Variants in COL6A3 observed in about 807,000 individuals in gnomAD.
COL6A3 encodes collagen alpha-3(VI) chain.
In COL6A3, 137 loss-of-function variants were observed where a neutral mutation model predicts 274.1. That is an observed-to-expected ratio of 0.50 (90% CI 0.44 to 0.58). The LOEUF (loss-of-function observed/expected upper bound fraction) is 0.58. Ranked by LOEUF, COL6A3 falls within the 20% of genes least tolerant of loss-of-function variation. The pLI is 0.00. For missense variants in COL6A3, 3,950 were observed against 4,124.9 expected, an observed-to-expected ratio of 0.96 and a Z score of 1.16; for synonymous variants, 1,650 against 1,650.6, an observed-to-expected ratio of 1.00 and a Z score of 0.01.
At chr2:237,373,670 G>T (rs1391095199) in intron 8 of COL6A3, among the ~76,000 whole-genome samples, 1 of 152,094 alleles carries the variant, frequency 6.6e-6, no homozygotes, top group Admixed American at 6.5e-5. Context: ...ATATGAGGGA[G>T]CAAGGCCGCA....
rs2077494337 is a variant in COL6A3, at chr2:237,364,029, T to C, written c.5917+321A>G. On this transcript the variant is annotated intron_variant, in intron 13 of 43. Transcript: ENST00000295550. The surrounding 1 kb of genome is among the most constrained non-coding windows in gnomAD (Gnocchi z 4.6). ...AGAGCAATGTATTTTTATTAGTAACTAATTCCTAGTTTATGTGATGAAGTT... is the reference window on the plus strand; with the variant it reads ...AGAGCAATGTATTTTTATTAGTAACCAATTCCTAGTTTATGTGATGAAGTT... Among the ~76,000 whole-genome samples the C allele has an allele frequency of 6.6e-6, 1 of 152,262 alleles. No individual in the cohort carries two copies. The highest frequency in any genetic ancestry group is 2.1e-4 in the South Asian group (1 of 4,832).
chr2:237,348,722 G>A lies in COL6A3; in HGVS notation c.6880-59C>T, dbSNP rs113165342. ...CCATGCCTGGCACACCATAACCACC[G>A]TCTCTGCCCTGCCGCTGCCCCTGAG... On this transcript the variant is annotated intron_variant, in intron 28 of 43. Coordinates refer to ENST00000295550, the MANE Select transcript of COL6A3 (RefSeq NM_004369.4). 8.9e-4 allele frequency: 1,322 copies of A among 1,483,238 alleles called. 14 individuals are homozygous for A. In the African/African-American group the frequency reaches 0.013, roughly 15 times the overall value. 91.9% of individuals were successfully genotyped at this position (1,483,238 alleles called of 1,614,324 possible).
At chr2:237,387,192 T>G (rs149753082) in intron 4 of COL6A3, among the ~76,000 whole-genome samples, 1 of 152,204 alleles carries the variant, frequency 6.6e-6, no homozygotes, top group African/African-American at 2.4e-5. Flanking sequence ...CACTGACTTT[T>G]AGAGCTCAAT....
chr2:237,340,851 G>A lies in COL6A3; in HGVS notation c.8065C>T (p.Leu2689=), dbSNP rs536700038. 1 of 1,614,134 alleles carries A rather than the reference G, an allele frequency of 6.2e-7. No individual in the cohort carries two copies. Among genetic ancestry groups the A allele is most frequent in the African/African-American group, 1.3e-5 (1 of 75,060 alleles). The change falls in exon 38 of 44, where the codon CTG becomes TTG. Residue 2689 remains leucine, a synonymous_variant. Coordinates refer to ENST00000295550, the MANE Select transcript of COL6A3 (RefSeq NM_004369.4). ...TTCTCCTTGGAGCCATAGTCAGTCAGGGAGAATTCCACCTTCACAGGTGGC... is the reference window on the plus strand; with the variant it reads ...TTCTCCTTGGAGCCATAGTCAGTCAAGGAGAATTCCACCTTCACAGGTGGC... ...SMPPVKVEFS[L]TDYGSKEKLV...
At chr2:237,397,523 G>T (rs756385932) in intron 1 of COL6A3, among the ~76,000 whole-genome samples, 60 of 152,214 alleles carry the variant, frequency 3.9e-4, no homozygotes, top group Non-Finnish European at 7.1e-4. Context: ...AGGCAAGGTG[G>T]GAAGGTGGGA....
intron 9 of COL6A3, among the ~76,000 whole-genome samples, chr2:237,369,660 C>G (rs1251091799): frequency 2.6e-5 from 4 of 152,222 alleles, no homozygotes; most frequent in Non-Finnish European, 5.9e-5. Context: ...AACACCATCC[C>G]AGCATGCTGC....
intron 5 of COL6A3, 89 bp from the exon 6 acceptor site, chr2:237,379,324 C>T: frequency 1.4e-6 from 2 of 1,472,514 alleles, no homozygotes; most frequent in Non-Finnish European, 1.9e-6. Flanking sequence ...CACATGCCAA[C>T]ATTTAGAACA....
At chr2:237,332,103 A>AT (rs1700282583) in intron 42 of COL6A3, among the ~76,000 whole-genome samples, 1 of 48,642 alleles carries the variant, frequency 2.1e-5, no homozygotes, top group Non-Finnish European at 5.2e-5. Context: ...ATATATATAT[A>AT]TATATATATA....
chr2:237,357,735 C>G, intron 22 of COL6A3, 82 bp downstream of exon 22: 1 of 1,416,296 alleles, frequency 7.1e-7, no homozygotes, highest in Non-Finnish European at 1.0e-6. Context: ...TCTTTGGCCT[C>G]TGTGGCTGCT....
At chr2:237,352,367 C>T (rs918175800) in intron 26 of COL6A3, among the ~76,000 whole-genome samples, 155 bp downstream of exon 26, 1 of 152,178 alleles carries the variant, frequency 6.6e-6, no homozygotes, top group African/African-American at 2.4e-5. Context: ...CCAGTCACTG[C>T]AAGGCCTGAG....
At chr2:237,333,029 A>T (rs1345855586) in intron 42 of COL6A3, 1 of 317,144 alleles carries the variant, frequency 3.2e-6, no homozygotes, top group African/African-American at 2.2e-5. Context: ...GTCAGATCCA[A>T]ACCCATGCAT....
intron 39 of COL6A3, among the ~76,000 whole-genome samples, chr2:237,338,061 T>C (rs1700641012): frequency 6.6e-6 from 1 of 152,266 alleles, no homozygotes; most frequent in South Asian, 2.1e-4. Context: ...GTCTCAATTA[T>C]CTACCTTCTC....
In COL6A3 at chr2:237,369,045, A is replaced by T. The variant is rs1244042171; in HGVS notation, c.4418T>A (p.Val1473Glu). ...VRRLNIGPSK[V>E]RVGVVQFSND... ...GCTGAACTGCACGACCCCAACTCTCACTTTACTGGGGCCGATGTTGAGTCT... is the reference window on the plus strand; with the variant it reads ...GCTGAACTGCACGACCCCAACTCTCTCTTTACTGGGGCCGATGTTGAGTCT... Residue 1473 changes from valine (V) to glutamate (E), a missense_variant, in exon 10 of 44, where the codon GTG (valine) becomes GAG (glutamate). Coordinates refer to ENST00000295550, the MANE Select transcript of COL6A3 (RefSeq NM_004369.4). 4.3e-6 allele frequency: 7 copies of T among 1,613,886 alleles called. No homozygotes were observed. Among genetic ancestry groups the T allele is most frequent in the Non-Finnish European group, 5.9e-6 (7 of 1,179,924 alleles).
Position 237,379,104 on chromosome 2 carries a change from G to A in COL6A3, c.2029C>T (p.Arg677Cys), listed in dbSNP as rs137923508. Residue 677 changes from arginine to cysteine, a missense_variant, in exon 6 of 44, where the codon CGT becomes TGT. Physicochemically the swap from Arg to Cys is radical, Grantham distance 180 (BLOSUM62 -3). Around this residue, in one of 5 missense-constraint regions of COL6A3, gnomAD observed 1,934 missense variants for 1,984.3 expected, o/e 0.97. Transcript: ENST00000295550. ...TCACTAAATTGCACTAAACCAACAC[G>A]AATATTGTCATTTCCAATATCAAGG... ...NSLDIGNDNI[R>C]VGLVQFSDTP... The A allele has an allele frequency of 5.5e-5, 88 of 1,614,074 alleles. No homozygotes were observed. The highest frequency in any genetic ancestry group is 3.3e-4 in the Middle Eastern group (2 of 6,080).
chr2:237,331,716 TC>T (rs1254494588), intron 42 of COL6A3, among the ~76,000 whole-genome samples: 35 of 97,656 alleles, frequency 3.6e-4, no homozygotes, highest in Non-Finnish European at 3.1e-4. Context: ...AGGGCCTTGT[TC>T]TTTTTTTAAA....
Position 237,361,178 on chromosome 2 carries a change from A to C in COL6A3, c.6157-4T>G, listed in dbSNP as rs536696110. On this transcript the variant is annotated splice_polypyrimidine_tract_variant and splice_region_variant and intron_variant, in intron 15 of 43. Coordinates refer to ENST00000295550, the MANE Select transcript of COL6A3 (RefSeq NM_004369.4). The surrounding 1 kb of genome is among the most constrained non-coding windows in gnomAD (Gnocchi z 5.1). Reference sequence around the variant, plus strand: ...AGCCGTCTTCTCCAGGAATACCCTGAAACAAAGTAATCGGGTCCTCTGTTT... The same window carrying C: ...AGCCGTCTTCTCCAGGAATACCCTGCAACAAAGTAATCGGGTCCTCTGTTT... 24 of 1,613,778 alleles carry C rather than the reference A, an allele frequency of 1.5e-5. No homozygotes were observed. In the African/African-American group the frequency reaches 2.8e-4, roughly 19 times the overall value.
intron 1 of COL6A3, among the ~76,000 whole-genome samples, chr2:237,398,203 C>T (rs1000681500): frequency 1.2e-4 from 18 of 152,230 alleles, no homozygotes; most frequent in African/African-American, 4.3e-4. Context: ...CCTCCAATCT[C>T]ACAGTGGAAT....
At chr2:237,405,118 T>C (rs559817864) in intron 1 of COL6A3, among the ~76,000 whole-genome samples, 3 of 152,218 alleles carry the variant, frequency 2.0e-5, no homozygotes, top group Admixed American at 6.5e-5. Flanking sequence ...CGGGAGATAA[T>C]GCCTGTAGGA....
At chr2:237,346,070 C>T (rs1426380967) in intron 32 of COL6A3, among the ~76,000 whole-genome samples, 1 of 152,208 alleles carries the variant, frequency 6.6e-6, no homozygotes. Flanking sequence ...GGCAGCATGA[C>T]TAGTGGGATT....
Sources: allele counts gnomAD v4.1 joint callset (sites outside exome capture counted in the v4.1 genomes callset), GRCh38; gene constraint gnomAD v4.1.1; regional missense constraint gnomAD v4.1.1; non-coding constraint Gnocchi (gnomAD v3.1); transcripts MANE v1.5; gene names NCBI Gene and HGNC (gene_info 2026-07-23, HGNC 2026-07-21).